Variants in DGLUCY observed in about 807,000 individuals in gnomAD.
DGLUCY encodes D-glutamate cyclase.
In DGLUCY, 58 loss-of-function variants were observed where a neutral mutation model predicts 58.5. The ratio of observed to expected loss-of-function variants is 0.99; its 90% CI spans 0.80 to 1.23. DGLUCY has a LOEUF of 1.23. DGLUCY is among the 50% of genes most tolerant of loss of function. The pLI, the probability that DGLUCY is intolerant of heterozygous loss-of-function variation, is 0.00. For missense variants in DGLUCY, 779 were observed against 784.7 expected (o/e 0.99, Z 0.09); for synonymous variants, 325 against 314.1 (o/e 1.03, Z -0.37).
chr14:91,204,594 G>A, intron 11 of DGLUCY, 112 bp from the exon 12 acceptor site: 1 of 1,415,262 alleles, frequency 7.1e-7, no homozygotes, highest in Non-Finnish European at 9.6e-7. Context: ...TATATCCAGA[G>A]CCAACCTTTT....
rs531621036 is a variant in DGLUCY at position 91,210,435 on chromosome 14, G to A, written c.1565-4970G>A. On this transcript the variant is annotated intron_variant, in intron 12 of 13. Coordinates refer to ENST00000256324, the MANE Select transcript of DGLUCY (RefSeq NM_001102368.3). ...TAGACCTAGCCTCTCAGGAGGCTGA[G>A]GCAGGAGGATTGCTTGAGTTTAGGA... Among the ~76,000 whole-genome samples, 99 of 152,292 alleles carry A rather than the reference G, an allele frequency of 6.5e-4. 1 individual carries two copies. In the South Asian group the frequency reaches 0.02, roughly 31 times the overall value.
upstream of DGLUCY, among the ~76,000 whole-genome samples, chr14:91,105,330 A>G (rs1214449285): frequency 6.6e-6 from 1 of 152,132 alleles, no homozygotes; most frequent in Non-Finnish European, 1.5e-5. Flanking sequence ...AAAAAAGAAA[A>G]AAAAATGCAT....
chr14:91,123,451 G>A (rs536171393), intron 1 of DGLUCY, among the ~76,000 whole-genome samples: 82 of 149,690 alleles, frequency 5.5e-4, no homozygotes, highest in African/African-American at 2.0e-3. Flanking sequence ...TCATACTGAC[G>A]CGCTAGGTTG....
intron 1 of DGLUCY, among the ~76,000 whole-genome samples, chr14:91,131,209 C>A (rs1414766951): frequency 6.6e-6 from 1 of 152,162 alleles, no homozygotes. Context: ...CTTGGCCTTC[C>A]AAAATGCTAG....
intron 1 of DGLUCY, among the ~76,000 whole-genome samples, chr14:91,102,756 T>TGTGTGTGG: frequency 6.7e-6 from 1 of 149,616 alleles, no homozygotes. Context: ...TGTGTGTGTG[T>TGTGTGTGG]GTGTGTGTGT....
intron 10 of DGLUCY, among the ~76,000 whole-genome samples, chr14:91,198,947 T>TATACC (rs1339440789): frequency 1.3e-5 from 2 of 152,208 alleles, no homozygotes; most frequent in African/African-American, 4.8e-5. Context: ...TTCTGACCAC[T>TATACC]ATACCATCTG....
At chr14:91,223,567 C>T in intron 13 of DGLUCY, 1 of 809,930 alleles carries the variant, frequency 1.2e-6, no homozygotes, top group South Asian at 1.6e-5. Flanking sequence ...CTGAGCTGTT[C>T]ACTAGGGACA....
chr14:91,177,099 A>G (rs1196428690), intron 7 of DGLUCY, among the ~76,000 whole-genome samples: 1 of 152,084 alleles, frequency 6.6e-6, no homozygotes, highest in African/African-American at 2.4e-5. Context: ...TCTGGGGTCA[A>G]GTGATCCTCC....
intron 4 of DGLUCY, among the ~76,000 whole-genome samples, chr14:91,167,924 G>A (rs996375801): frequency 8.5e-5 from 13 of 152,058 alleles, no homozygotes; most frequent in African/African-American, 3.1e-4. Flanking sequence ...TGCTTTCCCA[G>A]CAGAGTGACT....
intron 1 of DGLUCY, among the ~76,000 whole-genome samples, chr14:91,101,002 C>T (rs1256878636): frequency 6.6e-6 from 1 of 151,820 alleles, no homozygotes; most frequent in South Asian, 2.1e-4. Flanking sequence ...ACTCGTGAGG[C>T]AGAGGTTGCA....
At chr14:91,182,314 A>G (rs906475904) in intron 8 of DGLUCY, among the ~76,000 whole-genome samples, 1 of 151,402 alleles carries the variant, frequency 6.6e-6, no homozygotes, top group Non-Finnish European at 1.5e-5. Flanking sequence ...CTAAACTTTA[A>G]CACTAAACGT....
At chr14:91,167,437 G>T (rs2048342595) in intron 4 of DGLUCY, 59 bp downstream of exon 4, 1 of 1,604,820 alleles carries the variant, frequency 6.2e-7, no homozygotes, top group Non-Finnish European at 8.5e-7. Context: ...CTGTAGCCAG[G>T]TGTCTCTGTC....
chr14:91,096,535 G>T (rs555574528), intron 1 of DGLUCY, among the ~76,000 whole-genome samples: 5 of 152,314 alleles, frequency 3.3e-5, no homozygotes, highest in South Asian at 2.1e-4. Flanking sequence ...GGATGGAGGA[G>T]TTTGTACAGC....
chr14:91,184,926 C>G (rs1275455425), intron 8 of DGLUCY, among the ~76,000 whole-genome samples: 1 of 152,044 alleles, frequency 6.6e-6, no homozygotes, highest in Non-Finnish European at 1.5e-5. Context: ...ATGCTCATGA[C>G]TGTGTATACA....
intron 10 of DGLUCY, among the ~76,000 whole-genome samples, 184 bp downstream of exon 10, chr14:91,196,658 G>T (rs145862696): frequency 1.3e-5 from 2 of 151,462 alleles, no homozygotes; most frequent in African/African-American, 4.9e-5. Context: ...TATCCTGGGG[G>T]CCTCACAGAA....
chr14:91,131,885 C>T (rs967171130), intron 1 of DGLUCY, among the ~76,000 whole-genome samples: 1 of 152,214 alleles, frequency 6.6e-6, no homozygotes, highest in Admixed American at 6.5e-5. Context: ...CAACCTCTGC[C>T]TGGGTTCAAG....
intron 13 of DGLUCY, among the ~76,000 whole-genome samples, chr14:91,216,772 C>A (rs188203610): frequency 6.6e-6 from 1 of 152,202 alleles, no homozygotes; most frequent in Non-Finnish European, 1.5e-5. Context: ...TGAGCTCCTC[C>A]GACTGCAGAC....
chr14:91,094,838 G>T (rs1433591432), intron 1 of DGLUCY, among the ~76,000 whole-genome samples: 1 of 151,098 alleles, frequency 6.6e-6, no homozygotes, highest in Non-Finnish European at 1.5e-5. Flanking sequence ...AAAAAAAAAA[G>T]TCTTCAGGCC....
chr14:91,122,496 G>A (rs969575646), intron 1 of DGLUCY, among the ~76,000 whole-genome samples: 3 of 151,604 alleles, frequency 2.0e-5, no homozygotes, highest in Non-Finnish European at 1.5e-5. Flanking sequence ...TAAAAATTAT[G>A]ACATTGCATA....
Sources: gnomAD v4.1 joint callset for allele counts (sites outside exome capture counted in the v4.1 genomes callset) on GRCh38, gnomAD v4.1.1 for gene constraint, MANE v1.5 for transcripts, NCBI Gene and HGNC (gene_info 2026-07-23, HGNC 2026-07-21) for gene names.